GALNT13: variants seen among roughly 807,000 people sequenced by gnomAD.
GALNT13 encodes UDP-GalNAc:polypeptide N-acetylgalactosaminyltransferase 13.
GALNT13 carries 28 observed loss-of-function variants against 64.2 expected under a neutral mutation model. That is an observed-to-expected ratio of 0.44 (90% CI 0.32 to 0.60). The LOEUF (loss-of-function observed/expected upper bound fraction) is 0.60, where lower values mean the gene tolerates loss of function less well. Ranked by LOEUF, GALNT13 falls within the 20% of genes least tolerant of loss-of-function variation. The pLI, the probability that GALNT13 is intolerant of heterozygous loss-of-function variation, is 0.05. For missense variants in GALNT13, 577 were observed against 669.8 expected (o/e 0.86, Z 1.53); for synonymous variants, 214 against 224.6 (o/e 0.95, Z 0.42).
chr2:154,313,960 T>C (rs924964062), intron 9 of GALNT13, among the ~76,000 whole-genome samples: 1 of 152,146 alleles, frequency 6.6e-6, no homozygotes, highest in African/African-American at 2.4e-5. Flanking sequence ...TCCTTATTAC[T>C]TTCCATTACC....
At chr2:153,192,179 G>T in the GALNT13 span, among the ~76,000 whole-genome samples, 1 of 151,678 alleles carries the variant, frequency 6.6e-6, no homozygotes, top group Non-Finnish European at 1.5e-5. Context: ...GGCATTTGTT[G>T]TTATAAACTT....
the GALNT13 span, among the ~76,000 whole-genome samples, chr2:153,100,543 G>A: frequency 6.6e-6 from 1 of 152,132 alleles, no homozygotes; most frequent in Non-Finnish European, 1.5e-5. Flanking sequence ...GTGACCTGTG[G>A]GGCTTACGGC....
the GALNT13 span, among the ~76,000 whole-genome samples, chr2:153,542,747 A>C: frequency 6.6e-6 from 1 of 152,206 alleles, no homozygotes; most frequent in Admixed American, 6.5e-5. Flanking sequence ...AGCTAGGCCT[A>C]GGAGAAGTTT....
At chr2:153,362,411 C>G in the GALNT13 span, among the ~76,000 whole-genome samples, 1 of 151,790 alleles carries the variant, frequency 6.6e-6, no homozygotes, top group Non-Finnish European at 1.5e-5. Flanking sequence ...TCTAAATGCC[C>G]CTATTAAAGA....
the GALNT13 span, among the ~76,000 whole-genome samples, chr2:153,264,268 A>G: frequency 6.6e-6 from 1 of 152,228 alleles, no homozygotes; most frequent in South Asian, 2.1e-4. Flanking sequence ...AATGGCGACT[A>G]TTAAAAAGTC....
the GALNT13 span, among the ~76,000 whole-genome samples, chr2:153,727,060 T>C: frequency 6.6e-6 from 1 of 151,904 alleles, no homozygotes; most frequent in Non-Finnish European, 1.5e-5. Flanking sequence ...CACACAATCA[T>C]AACTTCACAC....
intron 9 of GALNT13, among the ~76,000 whole-genome samples, chr2:154,354,560 C>T (rs1377097523): frequency 6.6e-6 from 1 of 151,064 alleles, no homozygotes; most frequent in Admixed American, 6.6e-5. Context: ...ACATTTAAGT[C>T]CTTTGTTCAT....
At chr2:154,045,613 T>C (rs1374554191) in intron 3 of GALNT13, among the ~76,000 whole-genome samples, 2 of 152,178 alleles carry the variant, frequency 1.3e-5, no homozygotes, top group East Asian at 1.9e-4. Flanking sequence ...CAGGAGTAGA[T>C]GGGAGAAAAG....
At chr2:153,149,539 G>A in the GALNT13 span, among the ~76,000 whole-genome samples, 1 of 151,758 alleles carries the variant, frequency 6.6e-6, no homozygotes, top group South Asian at 2.1e-4. Flanking sequence ...TGCAGATTTT[G>A]CTCATTTTAA....
chr2:153,282,076 T>G, the GALNT13 span, among the ~76,000 whole-genome samples: 1 of 152,122 alleles, frequency 6.6e-6, no homozygotes, highest in Non-Finnish European at 1.5e-5. Context: ...TAATCCTATA[T>G]TTCTCAAATA....
the GALNT13 span, among the ~76,000 whole-genome samples, chr2:153,159,952 T>C: frequency 6.6e-6 from 1 of 152,360 alleles, no homozygotes; most frequent in East Asian, 1.9e-4. Flanking sequence ...AGTTGTTCTA[T>C]GACCACTTTT....
At chr2:153,107,068 T>C in the GALNT13 span, among the ~76,000 whole-genome samples, 4 of 152,182 alleles carry the variant, frequency 2.6e-5, no homozygotes, top group Admixed American at 1.3e-4. Context: ...AAGTGCTCTT[T>C]GTGTTTCTGT....
the GALNT13 span, among the ~76,000 whole-genome samples, chr2:153,607,217 C>T: frequency 1.7e-3 from 261 of 152,016 alleles, no homozygotes; most frequent in Non-Finnish European, 3.0e-3. Flanking sequence ...GTGAGTGACA[C>T]AAAAGTTAGG....
chr2:153,731,908 C>T, the GALNT13 span, among the ~76,000 whole-genome samples: 2 of 151,760 alleles, frequency 1.3e-5, no homozygotes, highest in East Asian at 1.9e-4. Flanking sequence ...TATAAAGTAA[C>T]GGGTTCTACT....
At chr2:153,709,508 G>A in the GALNT13 span, among the ~76,000 whole-genome samples, 2 of 152,068 alleles carry the variant, frequency 1.3e-5, no homozygotes, top group African/African-American at 4.8e-5. Flanking sequence ...TGGTCAGGAG[G>A]TGGAGGAAAG....
At chr2:154,125,007 C>T (rs1365014162) in intron 3 of GALNT13, among the ~76,000 whole-genome samples, 1 of 152,060 alleles carries the variant, frequency 6.6e-6, no homozygotes, top group Non-Finnish European at 1.5e-5. Context: ...ATTAGAATGT[C>T]ACTTAGTAAC....
chr2:153,712,182 T>C, the GALNT13 span, among the ~76,000 whole-genome samples: 1,649 of 152,296 alleles, frequency 0.011, 18 homozygotes, highest in Non-Finnish European at 0.018. Flanking sequence ...CCGATCCTTT[T>C]TAGCAAGATT....
At chr2:153,440,107 C>T in the GALNT13 span, among the ~76,000 whole-genome samples, 2 of 152,096 alleles carry the variant, frequency 1.3e-5, no homozygotes. Context: ...CCCTAGCCCC[C>T]CACCCCCAAC....
chr2:153,389,143 A>G, the GALNT13 span, among the ~76,000 whole-genome samples: 1 of 152,126 alleles, frequency 6.6e-6, no homozygotes, highest in African/African-American at 2.4e-5. Context: ...TAATACTTGC[A>G]TAAGAGTCTC....
Sources: allele counts gnomAD v4.1 joint callset (sites outside exome capture counted in the v4.1 genomes callset), GRCh38; gene constraint gnomAD v4.1.1; transcripts MANE v1.5; gene names NCBI Gene and HGNC (gene_info 2026-07-23, HGNC 2026-07-21).